SYNDIG1: variants seen among roughly 807,000 people sequenced by gnomAD.
SYNDIG1 encodes the protein synapse differentiation-inducing gene protein 1.
SYNDIG1 carries 9 observed loss-of-function variants against 19.4 expected under a neutral mutation model. The ratio of observed to expected loss-of-function variants is 0.46; its 90% CI spans 0.28 to 0.81. The LOEUF is 0.81. Among genes scored for constraint, SYNDIG1 ranks in the 30% least tolerant of loss-of-function variants. The pLI, the probability that SYNDIG1 is intolerant of heterozygous loss-of-function variation, is 0.12. For synonymous variants in SYNDIG1, 141 were observed against 145.9 expected (o/e 0.97, Z 0.24); for missense variants, 311 against 343.3 (o/e 0.91, Z 0.74).
chr20:24,604,030 A>G (rs1341990621), intron 3 of SYNDIG1, among the ~76,000 whole-genome samples: 1 of 152,184 alleles, frequency 6.6e-6, no homozygotes, highest in African/African-American at 2.4e-5. Flanking sequence ...CATCTTTCTA[A>G]TCATTTATCT....
intron 3 of SYNDIG1, chr20:24,597,242 T>G (rs2058609797): frequency 6.6e-6 from 1 of 152,096 alleles, no homozygotes; most frequent in African/African-American, 2.4e-5. Flanking sequence ...AAAAGTGCAG[T>G]TTGGGAGGGA....
intron 1 of SYNDIG1, among the ~76,000 whole-genome samples, chr20:24,508,773 T>G (rs2056668588): frequency 6.6e-6 from 1 of 152,060 alleles, no homozygotes; most frequent in Non-Finnish European, 1.5e-5. Context: ...ATAAAAACCA[T>G]GAGTGTGCAC....
Position 24,543,052 on chromosome 20 carries a change from A to G in SYNDIG1, c.-46A>G, listed in dbSNP as rs568256892. On this transcript the variant is annotated 5_prime_UTR_variant, in exon 2 of 4. Coordinates refer to ENST00000376862, the MANE Select transcript of SYNDIG1 (RefSeq NM_024893.3). ...GGCTTCCCTGAGGCAAGTGTAACCT[A>G]CATTCCCAGCCCACCAGCCTGACGC... is the stretch of plus-strand genomic sequence containing the variant. 1 of 1,584,844 alleles carries G rather than the reference A, an allele frequency of 6.3e-7. No individual in the cohort carries two copies. Among genetic ancestry groups the G allele is most frequent in the Non-Finnish European group, 8.6e-7 (1 of 1,162,544 alleles).
At chr20:24,557,157 C>G (rs1409157255) in intron 2 of SYNDIG1, among the ~76,000 whole-genome samples, 1 of 152,144 alleles carries the variant, frequency 6.6e-6, no homozygotes, top group Non-Finnish European at 1.5e-5. Flanking sequence ...TCAGCTCCAT[C>G]AGCTCCTTTA....
rs548449468 is a variant in SYNDIG1, at chr20:24,556,085, T to G, written c.480+12508T>G. On this transcript the variant is annotated intron_variant, in intron 2 of 3. Coordinates refer to ENST00000376862, the MANE Select transcript of SYNDIG1 (RefSeq NM_024893.3). ...TGGCCTTCTTTGTCTCTTTTGATCT[T>G]TGTTGGTTTAAAGTCTGTTTTATCA... Among the ~76,000 whole-genome samples, 5 of 152,248 alleles carry G rather than the reference T, an allele frequency of 3.3e-5. No individual in the cohort carries two copies. The South Asian group carries it at 1.0e-3, about 32-fold the overall frequency.
Position 24,665,362 on chromosome 20 carries a change from C to A in SYNDIG1, c.635C>A (p.Ala212Asp), listed in dbSNP as rs1600849345. The stretch of plus-strand genomic sequence containing the variant: ...ACTCTGCAGACCAACAAAGCCGTGG[C>A]CAAGGGGGACTTGCACCAGGCCAGC... ...YLSHETNKAVAKGDLHQASTS... is the reference protein window; with the variant it reads ...YLSHETNKAVDKGDLHQASTS... The change falls in exon 4 of 4, where the codon GCC becomes GAC. Residue 212 changes from alanine to aspartate, a missense_variant. Coordinates refer to ENST00000376862, the MANE Select transcript of SYNDIG1 (RefSeq NM_024893.3). The A allele has an allele frequency of 6.2e-7, 1 of 1,602,200 alleles. No homozygotes were observed. Among genetic ancestry groups the A allele is most frequent in the Non-Finnish European group, 8.5e-7 (1 of 1,176,356 alleles).
chr20:24,609,298 G>A (rs1340845401), intron 3 of SYNDIG1, among the ~76,000 whole-genome samples: 1 of 152,196 alleles, frequency 6.6e-6, no homozygotes, highest in Non-Finnish European at 1.5e-5. Flanking sequence ...AAATTACCTT[G>A]AGGTTGTGCT....
intron 1 of SYNDIG1, among the ~76,000 whole-genome samples, chr20:24,511,099 A>G (rs1355273440): frequency 1.3e-5 from 2 of 152,216 alleles, no homozygotes; most frequent in Non-Finnish European, 2.9e-5. Flanking sequence ...ATCTTAAAAG[A>G]GACTTACTTT....
At chr20:24,540,001 C>A (rs1388741051) in intron 1 of SYNDIG1, among the ~76,000 whole-genome samples, 3 of 152,052 alleles carry the variant, frequency 2.0e-5, no homozygotes, top group African/African-American at 7.2e-5. Context: ...AGGCTGGTTT[C>A]GAACTCCTGA....
intron 2 of SYNDIG1, among the ~76,000 whole-genome samples, chr20:24,545,762 G>T (rs1764036933): frequency 1.3e-5 from 2 of 152,300 alleles, no homozygotes; most frequent in South Asian, 4.1e-4. Flanking sequence ...CTGCTTCTCT[G>T]ATCTAGCAGC....
chr20:24,618,549 T>A (rs538635902), intron 3 of SYNDIG1, among the ~76,000 whole-genome samples: 17 of 152,288 alleles, frequency 1.1e-4, no homozygotes, highest in Admixed American at 2.0e-4. Context: ...AGGGGTATTC[T>A]CCTCTATACT....
chr20:24,503,510 G>A (rs762910335), intron 1 of SYNDIG1, among the ~76,000 whole-genome samples: 54 of 152,162 alleles, frequency 3.5e-4, no homozygotes, highest in African/African-American at 1.1e-3. Flanking sequence ...GGAGAAGCTC[G>A]TCTACTTTTG....
chr20:24,584,825 C>T lies in SYNDIG1; in HGVS notation c.481-31C>T, dbSNP rs1435506778. The T allele has an allele frequency of 2.5e-6, 4 of 1,613,798 alleles. No individual in the cohort carries two copies. In the Admixed American group the frequency reaches 6.7e-5, roughly 27 times the overall value. On this transcript the variant is annotated intron_variant, in intron 2 of 3. Coordinates refer to ENST00000376862, the MANE Select transcript of SYNDIG1 (RefSeq NM_024893.3). ...GATGACTCCTTTATTAATCTTCTCT[C>T]CTGTCCTGTCCTGCTGGTTCTCTCT... is the stretch of plus-strand genomic sequence containing the variant.
chr20:24,610,549 C>T (rs1238447924), intron 3 of SYNDIG1, among the ~76,000 whole-genome samples: 1 of 152,204 alleles, frequency 6.6e-6, no homozygotes, highest in Non-Finnish European at 1.5e-5. Flanking sequence ...ACAAAAGAAG[C>T]TCAGATTTAT....
At chr20:24,593,572 T>A (rs186468257) in intron 3 of SYNDIG1, among the ~76,000 whole-genome samples, 5 of 152,326 alleles carry the variant, frequency 3.3e-5, no homozygotes, top group Non-Finnish European at 7.4e-5. Context: ...AATTGCTGAG[T>A]CAAATGGTAA....
At chr20:24,494,223 G>C (rs2056236805) in intron 1 of SYNDIG1, among the ~76,000 whole-genome samples, 1 of 152,356 alleles carries the variant, frequency 6.6e-6, no homozygotes, top group East Asian at 1.9e-4. Context: ...GGCAGTATGT[G>C]TGGGACTTGT....
intron 2 of SYNDIG1, 59 bp from the exon 3 acceptor site, chr20:24,584,797 C>T: frequency 6.2e-7 from 1 of 1,611,748 alleles, no homozygotes; most frequent in Non-Finnish European, 8.5e-7. Context: ...CTGGACACCC[C>T]AGGATGACTC....
chr20:24,521,216 T>A (rs1376936526), intron 1 of SYNDIG1, among the ~76,000 whole-genome samples: 1 of 152,230 alleles, frequency 6.6e-6, no homozygotes, highest in Non-Finnish European at 1.5e-5. Context: ...CATTCCTCTG[T>A]CAATGGGCGT....
chr20:24,477,389 C>G (rs1160412003), intron 1 of SYNDIG1, among the ~76,000 whole-genome samples: 1 of 152,108 alleles, frequency 6.6e-6, no homozygotes, highest in Non-Finnish European at 1.5e-5. Flanking sequence ...TCCCTCCTCC[C>G]TAAGCTTTCC....
Sources: allele counts gnomAD v4.1 joint callset (sites outside exome capture counted in the v4.1 genomes callset), GRCh38; gene constraint gnomAD v4.1.1; transcripts MANE v1.5; gene names NCBI Gene and HGNC (gene_info 2026-07-23, HGNC 2026-07-21).